KLRK1: variants seen among roughly 807,000 people sequenced by gnomAD.
KLRK1 encodes the protein killer cell lectin like receptor K1, also known as NKG2-D type II integral membrane protein.
In KLRK1, 40 loss-of-function variants were observed where a neutral mutation model predicts 31.3. The observed-to-expected ratio is 1.28, with a 90% CI of 0.99 to 1.67. The LOEUF (loss-of-function observed/expected upper bound fraction) is 1.67. Ranked by LOEUF, KLRK1 falls within the 40% of genes most tolerant of loss-of-function variation. The pLI, the probability that KLRK1 is intolerant of heterozygous loss-of-function variation, is 0.00. For missense variants in KLRK1, 251 were observed against 260.0 expected, an observed-to-expected ratio of 0.97 and a Z score of 0.24; for synonymous variants, 77 against 77.3, an observed-to-expected ratio of 1.00 and a Z score of 0.02.
At chr12:10,383,016 T>G (rs1565493662) in intron 3 of KLRK1, among the ~76,000 whole-genome samples, 1 of 151,920 alleles carries the variant, frequency 6.6e-6, no homozygotes, top group African/African-American at 2.4e-5. Flanking sequence ...ATAGATACAC[T>G]AAAATGAAAA....
At chr12:10,380,056 A>AT (rs1863042061) in intron 3 of KLRK1, among the ~76,000 whole-genome samples, 1 of 98,492 alleles carries the variant, frequency 1.0e-5, no homozygotes, top group African/African-American at 3.6e-5. Flanking sequence ...TTTTGTTGTT[A>AT]TTGTTTTTTT....
chr12:10,383,233 C>A (rs375574504), intron 3 of KLRK1, among the ~76,000 whole-genome samples: 49 of 151,914 alleles, frequency 3.2e-4, no homozygotes, highest in Middle Eastern at 3.4e-3. Flanking sequence ...ACAAAAAAAA[C>A]CAAACAATAT....
At chr12:10,380,281 G>A (rs1050124002) in intron 3 of KLRK1, among the ~76,000 whole-genome samples, 2 of 152,000 alleles carry the variant, frequency 1.3e-5, no homozygotes, top group Non-Finnish European at 2.9e-5. Context: ...TAGCCAGGAC[G>A]GTCTCGATCT....
chr12:10,386,476 C>T (rs565482905), intron 3 of KLRK1, among the ~76,000 whole-genome samples: 1 of 152,018 alleles, frequency 6.6e-6, no homozygotes, highest in East Asian at 1.9e-4. Flanking sequence ...TAATATTCTG[C>T]TTTGAAAAAA....
chr12:10,389,050 G>C (rs1017333277), intron 1 of KLRK1, 175 bp from the exon 2 acceptor site: 4 of 473,224 alleles, frequency 8.5e-6, no homozygotes, highest in Non-Finnish European at 1.5e-5. Context: ...CATTTCTCTT[G>C]GTTGTAAAAT....
chr12:10,374,368 C>T (rs954255502), intron 7 of KLRK1, among the ~76,000 whole-genome samples: 4 of 145,216 alleles, frequency 2.8e-5, no homozygotes, highest in East Asian at 2.1e-4. Context: ...ATTAGAGTCT[C>T]GTTCTTTTTT....
chr12:10,388,969 C>T lies in KLRK1; in HGVS notation c.-65-94G>A, dbSNP rs561966906. On this transcript the variant is annotated intron_variant, in intron 1 of 7. Transcript: ENST00000240618. ...AGAAAAGTAAAATGCAGAAACTTTT[C>T]CCCTGTGCATGCCTTTAAGAAAAGA... The T allele has an allele frequency of 4.1e-4, 314 of 758,118 alleles. 4 individuals are homozygous for T. In the South Asian group the frequency reaches 6.2e-3, roughly 15 times the overall value. 47.0% of individuals were successfully genotyped at this position (758,118 alleles called of 1,614,324 possible).
chr12:10,380,704 C>T (rs752738491), intron 3 of KLRK1, among the ~76,000 whole-genome samples: 2 of 152,160 alleles, frequency 1.3e-5, no homozygotes, highest in Non-Finnish European at 2.9e-5. Flanking sequence ...TACCTGCTAT[C>T]CTAGGTATAG....
chr12:10,380,056 A>G (rs1228119393), intron 3 of KLRK1, among the ~76,000 whole-genome samples: 44 of 98,484 alleles, frequency 4.5e-4, no homozygotes, highest in African/African-American at 1.6e-3. Flanking sequence ...TTTTGTTGTT[A>G]TTGTTTTTTT....
In KLRK1 at chr12:10,387,106, C is replaced by T. The variant is rs1326075857; in HGVS notation, c.41-96G>A. On this transcript the variant is annotated intron_variant, in intron 2 of 7. Transcript: ENST00000240618. ...TCAGCTTGCCATTTCCATCTATGTA[C>T]TTCCCCTGACTATCCTTTTTAAAGT... is the stretch of plus-strand genomic sequence containing the variant. 4 of 772,020 alleles carry T rather than the reference C, an allele frequency of 5.2e-6. No homozygotes were observed. In the African/African-American group the frequency reaches 5.3e-5, roughly 10 times the overall value. The allele number at this position is 772,020 out of a possible 1,614,324, so 47.8% of individuals were successfully genotyped here.
intron 7 of KLRK1, among the ~76,000 whole-genome samples, chr12:10,373,439 T>C (rs765794810): frequency 7.9e-5 from 12 of 152,216 alleles, no homozygotes; most frequent in Admixed American, 2.6e-4. Context: ...CTTTTTATCA[T>C]ACATCAGAAA....
intron 7 of KLRK1, among the ~76,000 whole-genome samples, chr12:10,376,525 T>G (rs1862969719): frequency 1.3e-5 from 2 of 152,264 alleles, no homozygotes; most frequent in South Asian, 4.1e-4. Context: ...GACGGGATGT[T>G]GCCAAATCAT....
chr12:10,379,952 A>G, intron 3 of KLRK1, 160 bp from the exon 4 acceptor site: 1 of 497,328 alleles, frequency 2.0e-6, no homozygotes, highest in Non-Finnish European at 3.3e-6. Context: ...TACCTCGCAA[A>G]TGATCAAAAA....
chr12:10,378,007 T>A, intron 7 of KLRK1, 125 bp downstream of exon 7: 1 of 1,042,412 alleles, frequency 9.6e-7, no homozygotes, highest in African/African-American at 1.6e-5. Context: ...GCCTAAGCAC[T>A]TTTTACTAAA....
At chr12:10,378,859 T>C (rs1863013484) in intron 5 of KLRK1, 154 bp from the exon 6 acceptor site, 2 of 915,098 alleles carry the variant, frequency 2.2e-6, no homozygotes, top group East Asian at 3.0e-5. Context: ...TACATATTCA[T>C]AGAGAGAAGC....
chr12:10,380,360 C>T (rs920297433), intron 3 of KLRK1, among the ~76,000 whole-genome samples: 3 of 152,060 alleles, frequency 2.0e-5, no homozygotes, highest in African/African-American at 4.8e-5. Flanking sequence ...CCACCGCACC[C>T]GGCCGTGATT....
At chr12:10,380,920 G>A (rs1863063312) in intron 3 of KLRK1, among the ~76,000 whole-genome samples, 1 of 152,030 alleles carries the variant, frequency 6.6e-6, no homozygotes, top group South Asian at 2.1e-4. Flanking sequence ...CTTTATCTTC[G>A]CATGTTTGGG....
rs1306253286 is a variant in KLRK1 at position 10,372,991 on chromosome 12, A to T, written c.*123T>A. ...TGGTTTGGTCCTGTGGAGTCTAAGA[A>T]ATCTGACAGTCTTTGGTCATTTTGT... On this transcript the variant is annotated 3_prime_UTR_variant, in exon 8 of 8. Transcript: ENST00000240618. 2 of 811,578 alleles carry T rather than the reference A, an allele frequency of 2.5e-6. No homozygotes were observed. Among genetic ancestry groups the T allele is most frequent in the Non-Finnish European group, 4.0e-6 (2 of 502,958 alleles). The allele number at this position is 811,578 out of a possible 1,614,324, so 50.3% of individuals were successfully genotyped here.
intron 2 of KLRK1, 50 bp downstream of exon 2, chr12:10,388,721 C>T: frequency 6.2e-7 from 1 of 1,611,680 alleles, no homozygotes; most frequent in Non-Finnish European, 8.5e-7. Context: ...TTCTTGGTAT[C>T]TTAAAATTGT....
Sources: gnomAD v4.1 joint callset for allele counts (sites outside exome capture counted in the v4.1 genomes callset) on GRCh38, gnomAD v4.1.1 for gene constraint, MANE v1.5 for transcripts, NCBI Gene and HGNC (gene_info 2026-07-23, HGNC 2026-07-21) for gene names.